The following SEMA3D variants were observed in gnomAD, a reference collection of about 807,000 sequenced individuals.
SEMA3D encodes the protein semaphorin 3D, also known as semaphorin-3D.
A neutral mutation model predicts 100.1 loss-of-function variants in SEMA3D; 84 were observed. That is an observed-to-expected ratio of 0.84 (90% CI 0.70 to 1.01). The LOEUF (loss-of-function observed/expected upper bound fraction) is 1.01, where lower values mean the gene tolerates loss of function less well. SEMA3D is among the 50% of genes least tolerant of loss of function. The probability of loss-of-function intolerance (pLI) is 0.00; values close to 1 mark genes in which losing one functional copy is unlikely to be tolerated. For missense variants in SEMA3D, 875 were observed against 934.1 expected (o/e 0.94, Z 0.82); for synonymous variants, 312 against 320.7 (o/e 0.97, Z 0.29).
chr7:85,248,788 G>A, the SEMA3D span, among the ~76,000 whole-genome samples: 2 of 151,258 alleles, frequency 1.3e-5, no homozygotes, highest in Non-Finnish European at 3.0e-5. Context: ...CTATGGAAAC[G>A]GTAAAAAAAA....
At chr7:85,201,230 C>T in the SEMA3D span, among the ~76,000 whole-genome samples, 1 of 152,150 alleles carries the variant, frequency 6.6e-6, no homozygotes, top group Non-Finnish European at 1.5e-5. Flanking sequence ...TTCTCTTTTG[C>T]CAGCCCCAAT....
intron 3 of SEMA3D, among the ~76,000 whole-genome samples, chr7:85,102,616 A>G (rs143091961): frequency 9.7e-4 from 147 of 152,110 alleles, no homozygotes; most frequent in African/African-American, 3.3e-3. Context: ...AAAAGTGGCA[A>G]CAACTATAGC....
At chr7:85,089,679 G>A (rs1439290624) in intron 4 of SEMA3D, among the ~76,000 whole-genome samples, 2 of 152,002 alleles carry the variant, frequency 1.3e-5, no homozygotes, top group African/African-American at 4.8e-5. Context: ...GAACCCAGAA[G>A]TTTGAGACCA....
chr7:85,068,278 T>C lies in SEMA3D; in HGVS notation c.502A>G (p.Ile168Val), dbSNP rs1211095957. Reference sequence around the variant, plus strand: ...AAATTATGTGTGTCTAGTTTGAATATAATATCCTGTTATGAGAAATATTAA... The same window carrying C: ...AAATTATGTGTGTCTAGTTTGAATACAATATCCTGTTATGAGAAATATTAA... ...IDLGVYKEDI[I>V]FKLDTHNLES... Residue 168 changes from isoleucine (I) to valine (V), a missense_variant, in exon 7 of 19, where the codon ATA becomes GTA. Coordinates refer to ENST00000284136, the MANE Select transcript of SEMA3D (RefSeq NM_001384900.1). 1.2e-5 allele frequency: 19 copies of C among 1,553,476 alleles called. No individual in the cohort carries two copies. The highest frequency in any genetic ancestry group is 1.6e-5 in the Non-Finnish European group (18 of 1,125,244).
At chr7:85,113,383 T>C (rs1583935431) in intron 3 of SEMA3D, among the ~76,000 whole-genome samples, 1 of 152,198 alleles carries the variant, frequency 6.6e-6, no homozygotes, top group South Asian at 2.1e-4. Flanking sequence ...CAAGCTCCTA[T>C]GGATTCAGAG....
chr7:85,102,686 G>T (rs937662623), intron 3 of SEMA3D, among the ~76,000 whole-genome samples: 1 of 151,998 alleles, frequency 6.6e-6, no homozygotes, highest in Admixed American at 6.6e-5. Context: ...GGGGAAAGGT[G>T]GGGTCAGGAA....
intron 3 of SEMA3D, among the ~76,000 whole-genome samples, chr7:85,117,930 A>T (rs1789293358): frequency 6.6e-6 from 1 of 151,504 alleles, no homozygotes; most frequent in South Asian, 2.1e-4. Flanking sequence ...TTTTTAAAAC[A>T]ATAGAGCTTG....
At chr7:85,220,498 A>T in the SEMA3D span, among the ~76,000 whole-genome samples, 1 of 151,926 alleles carries the variant, frequency 6.6e-6, no homozygotes, top group Non-Finnish European at 1.5e-5. Flanking sequence ...TTATCGGGAG[A>T]ACTGATAGTG....
intron 8 of SEMA3D, among the ~76,000 whole-genome samples, chr7:85,057,714 C>G (rs1254809382): frequency 4.6e-5 from 7 of 152,112 alleles, no homozygotes; most frequent in Non-Finnish European, 1.0e-4. Context: ...GGGTGGATCA[C>G]TTGAGGTCAG....
chr7:85,057,334 A>T (rs373312858), intron 8 of SEMA3D, among the ~76,000 whole-genome samples: 2 of 152,202 alleles, frequency 1.3e-5, no homozygotes, highest in African/African-American at 4.8e-5. Flanking sequence ...AAAGCAAAGA[A>T]GACAGAGAGT....
chr7:85,141,189 T>A lies in SEMA3D; in HGVS notation c.-41+12419A>T. ...ATAACTAGTTGCAGCACTATCATTT[T>A]TAATATAGCACACATATTAACCCCC... is the stretch of plus-strand genomic sequence containing the variant. On this transcript the variant is annotated intron_variant, in intron 2 of 18. Transcript: ENST00000284136. 3 of 984,224 alleles carry A rather than the reference T, an allele frequency of 3.0e-6. No individual in the cohort carries two copies. In the East Asian group the frequency reaches 3.4e-4, roughly 112 times the overall value. The allele number at this position is 984,224 out of a possible 1,614,324, so 61.0% of individuals were successfully genotyped here.
Position 85,121,820 on chromosome 7 carries a change from C to T in SEMA3D, c.72G>A (p.Met24Ile). The T allele has an allele frequency of 6.2e-7, 1 of 1,608,328 alleles. No homozygotes were observed. The highest frequency in any genetic ancestry group is 8.5e-7 in the Non-Finnish European group (1 of 1,176,558). The stretch of plus-strand genomic sequence containing the variant: ...GAAGAAACAACATGGTCATGCTTAG[C>T]ATCATCAAAGCAGGAAAAAGGTGAA... The part of the protein sequence containing the change: ...QDFHLFPALM[M>I]LSMTMLFLPV... The change falls in exon 3 of 19, where the codon ATG (methionine) becomes ATA (isoleucine). Residue 24 changes from methionine to isoleucine, a missense_variant. Met to Ile is a conservative substitution (Grantham distance 10, BLOSUM62 1). Transcript: ENST00000284136.
At chr7:85,082,958 T>G (rs1788107539) in intron 4 of SEMA3D, among the ~76,000 whole-genome samples, 1 of 152,174 alleles carries the variant, frequency 6.6e-6, no homozygotes, top group African/African-American at 2.4e-5. Context: ...CAGAAATGGT[T>G]TGAATCACTG....
chr7:85,219,036 C>G, the SEMA3D span, among the ~76,000 whole-genome samples: 2 of 152,084 alleles, frequency 1.3e-5, no homozygotes, highest in Admixed American at 6.6e-5. Flanking sequence ...GTTTCTTAAC[C>G]ATGATTAGTT....
chr7:85,150,815 T>C lies in SEMA3D; in HGVS notation c.-41+2793A>G, dbSNP rs368436049. Among the ~76,000 whole-genome samples the C allele has an allele frequency of 7.9e-5, 12 of 152,114 alleles. No homozygotes were observed. The South Asian group carries it at 2.5e-3, about 31-fold the overall frequency. On this transcript the variant is annotated intron_variant, in intron 2 of 18. Transcript: ENST00000284136. ...AATGCCCTTATTGTGGTGCCACAAT[T>C]AAGCCACACTGGAAAGGATCCAAAG...
intron 16 of SEMA3D, among the ~76,000 whole-genome samples, chr7:85,014,154 A>C (rs1204930894): frequency 6.6e-6 from 1 of 151,842 alleles, no homozygotes; most frequent in Non-Finnish European, 1.5e-5. Flanking sequence ...GAAATCAATA[A>C]AATTCCAAAA....
chr7:85,248,058 T>G, the SEMA3D span, among the ~76,000 whole-genome samples: 1 of 151,850 alleles, frequency 6.6e-6, no homozygotes, highest in Non-Finnish European at 1.5e-5. Flanking sequence ...AGCCACAGAC[T>G]GGACAAAATA....
chr7:85,194,011 T>G, the SEMA3D span, among the ~76,000 whole-genome samples: 976 of 152,264 alleles, frequency 6.4e-3, 13 homozygotes, highest in African/African-American at 0.022. Context: ...ATGGAAAAAG[T>G]AGAAAGCCTG....
intron 3 of SEMA3D, among the ~76,000 whole-genome samples, chr7:85,114,362 C>G (rs889717303): frequency 6.6e-6 from 1 of 152,122 alleles, no homozygotes; most frequent in Non-Finnish European, 1.5e-5. Context: ...GAAATATACG[C>G]TTCATAGTGT....
Sources: allele counts gnomAD v4.1 joint callset (sites outside exome capture counted in the v4.1 genomes callset), GRCh38; gene constraint gnomAD v4.1.1; transcripts MANE v1.5; gene names NCBI Gene and HGNC (gene_info 2026-07-23, HGNC 2026-07-21).